The following CFAP221 variants were observed in gnomAD, a reference collection of about 807,000 sequenced individuals.
CFAP221 encodes the protein cilia and flagella associated protein 221.
Under a neutral mutation model 113.1 loss-of-function variants are expected in CFAP221, and 97 were observed. The ratio of observed to expected loss-of-function variants is 0.86; its 90% CI spans 0.73 to 1.02. The LOEUF (loss-of-function observed/expected upper bound fraction) is 1.02, where lower values mean the gene tolerates loss of function less well. CFAP221 is among the 50% of genes least tolerant of loss of function. The pLI is 0.00. For synonymous variants in CFAP221, 331 were observed against 354.4 expected, an observed-to-expected ratio of 0.93 and a Z score of 0.74; for missense variants, 1,025 against 1,013.4, an observed-to-expected ratio of 1.01 and a Z score of -0.16.
At chr2:119,561,974 C>G (rs1681273863) in intron 5 of CFAP221, 40 bp from the exon 6 acceptor site, 1 of 1,336,292 alleles carries the variant, frequency 7.5e-7, no homozygotes, top group Admixed American at 2.1e-5. Flanking sequence ...AAGTTGTAGT[C>G]TTCAGAATGT....
rs1433208778 is a variant in CFAP221, at chr2:119,546,092, C to A, written c.-40C>A. The A allele has an allele frequency of 6.6e-7, 1 of 1,512,768 alleles. No individual in the cohort carries two copies. Among genetic ancestry groups the A allele is most frequent in the South Asian group, 1.3e-5 (1 of 78,932 alleles). 93.7% of individuals were successfully genotyped at this position (1,512,768 alleles called of 1,614,324 possible). On this transcript the variant is annotated 5_prime_UTR_variant, in exon 2 of 24. Coordinates refer to ENST00000413369, the MANE Select transcript of CFAP221 (RefSeq NM_001271049.2). ...CTGCTCTTTCCTCCCCAGGACATGA[C>A]CTTTGGCTCTAAAAAGAAGACTCCA...
chr2:119,659,902 G>C (rs112024483), downstream of CFAP221, among the ~76,000 whole-genome samples: 1,031 of 152,286 alleles, frequency 6.8e-3, 8 homozygotes, highest in African/African-American at 0.023. Context: ...TTTGTTCAGG[G>C]AATTGCTTCC....
At chr2:119,639,906 G>A (rs766346871) in intron 21 of CFAP221, 34 bp downstream of exon 21, 3 of 1,561,430 alleles carry the variant, frequency 1.9e-6, no homozygotes, top group East Asian at 4.5e-5. Flanking sequence ...TCACGAGTAT[G>A]TGTGCCCCAT....
intron 13 of CFAP221, among the ~76,000 whole-genome samples, chr2:119,612,053 G>A (rs1050457090): frequency 7.2e-5 from 11 of 152,062 alleles, no homozygotes; most frequent in African/African-American, 2.4e-4. Flanking sequence ...CTCAAGGTGG[G>A]TCCCTTGGCC....
intron 8 of CFAP221, 167 bp downstream of exon 8, chr2:119,601,544 T>C (rs2104663544): frequency 1.7e-6 from 1 of 605,890 alleles, no homozygotes; most frequent in East Asian, 3.1e-5. Context: ...ATATAGAATA[T>C]ATCTATGCTA....
chr2:119,612,576 A>G (rs1057146266), intron 13 of CFAP221, among the ~76,000 whole-genome samples: 5 of 152,204 alleles, frequency 3.3e-5, no homozygotes, highest in African/African-American at 1.2e-4. Context: ...TATGGGAACT[A>G]CAATTCAAGA....
intron 6 of CFAP221, among the ~76,000 whole-genome samples, chr2:119,569,608 G>A (rs934576801): frequency 6.6e-6 from 1 of 151,516 alleles, no homozygotes; most frequent in African/African-American, 2.4e-5. Flanking sequence ...TTCTCCATCT[G>A]GCATTCCCAT....
intron 14 of CFAP221, among the ~76,000 whole-genome samples, chr2:119,618,522 G>A (rs748017997): frequency 1.1e-4 from 16 of 152,134 alleles, no homozygotes; most frequent in Non-Finnish European, 2.1e-4. Context: ...GAAGCCATGA[G>A]GGACTGTGCC....
chr2:119,656,252 A>G (rs1411326923), intron 23 of CFAP221, 110 bp from the exon 24 acceptor site: 2 of 755,290 alleles, frequency 2.6e-6, no homozygotes, highest in East Asian at 5.4e-5. Context: ...CCTTCTTTGT[A>G]TATTAAACGA....
At chr2:119,656,761 G>T (rs1002454800), downstream of CFAP221, 2 of 220,264 alleles carry the variant, frequency 9.1e-6, no homozygotes, top group Admixed American at 5.3e-5. Flanking sequence ...TGTTTCTGGG[G>T]GTCTTTTGGA....
chr2:119,597,646 G>A (rs1684078122), intron 7 of CFAP221, among the ~76,000 whole-genome samples: 1 of 152,188 alleles, frequency 6.6e-6, no homozygotes, highest in Non-Finnish European at 1.5e-5. Flanking sequence ...GCCAAGAAAA[G>A]CAGAAATTTA....
At chr2:119,579,162 G>A (rs1336937608) in intron 6 of CFAP221, among the ~76,000 whole-genome samples, 3 of 151,986 alleles carry the variant, frequency 2.0e-5, no homozygotes, top group East Asian at 3.9e-4. Context: ...AAGGTAAGAG[G>A]GATAAAAGTT....
intron 3 of CFAP221, among the ~76,000 whole-genome samples, chr2:119,554,941 G>A (rs1680682560): frequency 6.6e-6 from 1 of 152,158 alleles, no homozygotes; most frequent in Non-Finnish European, 1.5e-5. Flanking sequence ...GGTTGTGTTT[G>A]AAGGGTCGGG....
At chr2:119,625,709 A>G (rs373051759) in intron 15 of CFAP221, 21 bp downstream of exon 15, 3 of 1,565,400 alleles carry the variant, frequency 1.9e-6, no homozygotes, top group African/African-American at 2.7e-5. Context: ...GCTGCAAAGC[A>G]CAGAGATGCC....
rs1688435105 is a variant in CFAP221, at chr2:119,656,387, G to A, written c.2440G>A (p.Ala814Thr). Residue 814 changes from alanine to threonine, a missense_variant, in exon 24 of 24, where the codon GCA becomes ACA. Ala to Thr is a moderately conservative substitution (Grantham distance 58). Coordinates refer to ENST00000413369, the MANE Select transcript of CFAP221 (RefSeq NM_001271049.2). ...AGAAGTGAAAGATCAAGCACAACCAGCAGAGAAGGCCGGAGAGAAGCTGCT... is the reference window on the plus strand; with the variant it reads ...AGAAGTGAAAGATCAAGCACAACCAACAGAGAAGGCCGGAGAGAAGCTGCT... The part of the protein sequence containing the change: ...EKEVKDQAQP[A>T]EKAGEKLLEE... The A allele has an allele frequency of 6.2e-7, 1 of 1,613,952 alleles. No individual in the cohort carries two copies. Among genetic ancestry groups the A allele is most frequent in the Non-Finnish European group, 8.5e-7 (1 of 1,179,980 alleles).
chr2:119,567,285 A>G (rs1304703895), intron 6 of CFAP221, among the ~76,000 whole-genome samples: 1 of 151,546 alleles, frequency 6.6e-6, no homozygotes, highest in East Asian at 1.9e-4. Flanking sequence ...TCCTCCTCCA[A>G]CCCCCACAAC....
At chr2:119,621,504 A>G (rs1574156210) in intron 14 of CFAP221, among the ~76,000 whole-genome samples, 1 of 152,182 alleles carries the variant, frequency 6.6e-6, no homozygotes, top group Non-Finnish European at 1.5e-5. Context: ...ATTAACAAGG[A>G]TATTCAGGAC....
At chr2:119,573,006 G>A (rs868766928) in intron 6 of CFAP221, 3 of 161,692 alleles carry the variant, frequency 1.9e-5, no homozygotes, top group African/African-American at 2.4e-5. Context: ...TTTAGAAAGC[G>A]TGGGAACAAC....
chr2:119,569,113 C>G (rs908810577), intron 6 of CFAP221, among the ~76,000 whole-genome samples: 3 of 150,876 alleles, frequency 2.0e-5, no homozygotes, highest in African/African-American at 7.3e-5. Flanking sequence ...TTTTTTCCCT[C>G]TGACTTCTTT....
Sources: allele counts gnomAD v4.1 joint callset (sites outside exome capture counted in the v4.1 genomes callset), GRCh38; gene constraint gnomAD v4.1.1; transcripts MANE v1.5; gene names NCBI Gene and HGNC (gene_info 2026-07-23, HGNC 2026-07-21).